Variants in TMEM165 observed in about 807,000 individuals in gnomAD.
The protein encoded by TMEM165 is putative divalent cation/proton antiporter TMEM165.
A neutral mutation model predicts 30.0 loss-of-function variants in TMEM165; 19 were observed. That is an observed-to-expected ratio of 0.63 (90% CI 0.44 to 0.93). TMEM165 has a LOEUF of 0.93. Among genes scored for constraint, TMEM165 ranks in the 40% least tolerant of loss-of-function variants. The probability of loss-of-function intolerance (pLI) is 0.00; values close to 1 mark genes in which losing one functional copy is unlikely to be tolerated. For synonymous variants in TMEM165, 168 were observed against 162.9 expected (o/e 1.03, Z -0.24); for missense variants, 340 against 417.0 (o/e 0.82, Z 1.61).
At chr4:55,452,936 C>T in exon 4 of TMEM165, 1 of 729,290 alleles carries the variant, frequency 1.4e-6, no homozygotes, top group Non-Finnish European at 2.3e-6. Flanking sequence ...TAATCACATC[C>T]CCGTTATAAG....
intron 1 of TMEM165, among the ~76,000 whole-genome samples, chr4:55,409,373 G>A (rs1161752669): frequency 6.6e-6 from 1 of 151,974 alleles, no homozygotes; most frequent in Non-Finnish European, 1.5e-5. Context: ...CTGTTTTTAC[G>A]CTGTCCAAAA....
Position 55,395,971 on chromosome 4 carries a change from C to T in TMEM165, c.-219C>T, listed in dbSNP as rs995456929. The stretch of plus-strand genomic sequence containing the variant: ...GGCAGCTGGCTGACTCCAGTTTAGC[C>T]GCCGCCGGAGAGGACGGGCGCCGAG... On this transcript the variant is annotated 5_prime_UTR_variant, in exon 1 of 6. Transcript: ENST00000381334. The T allele has an allele frequency of 2.4e-5, 9 of 377,938 alleles. No individual in the cohort carries two copies. Among genetic ancestry groups the T allele is most frequent in the Non-Finnish European group, 3.2e-5 (7 of 217,050 alleles). The allele number at this position is 377,938 out of a possible 1,614,324, so 23.4% of individuals were successfully genotyped here.
At chr4:55,436,122 G>T (rs992744543) in intron 3 of TMEM165, among the ~76,000 whole-genome samples, 5 of 152,096 alleles carry the variant, frequency 3.3e-5, no homozygotes, top group Non-Finnish European at 5.9e-5. Context: ...ACTTCTCTGG[G>T]CCTCAGTTTC....
chr4:55,404,050 T>C (rs867213203), intron 1 of TMEM165, among the ~76,000 whole-genome samples: 6,240 of 148,272 alleles, frequency 0.042, 434 homozygotes, highest in African/African-American at 0.15. Flanking sequence ...CTTTCCTTTT[T>C]TTTTTTTTTT....
intron 3 of TMEM165, among the ~76,000 whole-genome samples, chr4:55,445,105 T>TCCCGG (rs147009588): frequency 4.4e-4 from 60 of 137,066 alleles, no homozygotes; most frequent in East Asian, 1.3e-3. Context: ...ACGGGAAGCT[T>TCCCGG]TTAATATTTT....
chr4:55,443,770 T>C lies in TMEM165; in HGVS notation c.409-8469T>C, dbSNP rs141058115. 5 of 1,614,022 alleles carry C rather than the reference T, an allele frequency of 3.1e-6. No individual in the cohort carries two copies. The African/African-American group carries it at 6.7e-5, about 22-fold the overall frequency. ...TGTCCAGTATTCATTCCACTTTGAA[T>C]CTGGTTAGTAGGAACAACTTGGCCT... On this transcript the variant is annotated intron_variant, in intron 3 of 3. Transcript: ENST00000608091.
At chr4:55,436,798 A>C (rs1010783330) in intron 3 of TMEM165, among the ~76,000 whole-genome samples, 60 of 152,104 alleles carry the variant, frequency 3.9e-4, no homozygotes, top group African/African-American at 1.4e-3. Context: ...TAATTTAGAA[A>C]AGCCAAATTG....
At chr4:55,448,835 T>C (rs1404217736) in intron 3 of TMEM165, 1 of 1,613,828 alleles carries the variant, frequency 6.2e-7, no homozygotes, top group African/African-American at 1.3e-5. Context: ...ACTGGCTGTG[T>C]TAATGATGAA....
At chr4:55,444,794 C>T in intron 3 of TMEM165, 1 of 1,613,462 alleles carries the variant, frequency 6.2e-7, no homozygotes, top group African/African-American at 1.3e-5. Flanking sequence ...AACTGAAGTA[C>T]CATGTACGGA....
At chr4:55,408,623 C>T (rs181324411) in intron 1 of TMEM165, among the ~76,000 whole-genome samples, 61 of 152,150 alleles carry the variant, frequency 4.0e-4, no homozygotes, top group African/African-American at 1.4e-3. Flanking sequence ...CATGTCTGTA[C>T]TCTTAAAGCA....
chr4:55,436,043 T>C (rs1480351724), intron 3 of TMEM165, among the ~76,000 whole-genome samples: 1 of 152,190 alleles, frequency 6.6e-6, no homozygotes, highest in Non-Finnish European at 1.5e-5. Flanking sequence ...TGGTGGGCCC[T>C]GAGGTAGACT....
intron 3 of TMEM165, chr4:55,431,918 G>A (rs1180357701): frequency 3.3e-5 from 5 of 152,190 alleles, no homozygotes; most frequent in African/African-American, 1.2e-4. Context: ...TGCTCTTGAT[G>A]GAGCTGGACT....
intron 3 of TMEM165, chr4:55,442,589 G>T (rs143911374): frequency 6.2e-7 from 1 of 1,612,560 alleles, no homozygotes; most frequent in Non-Finnish European, 8.5e-7. Context: ...GTCTGACTGG[G>T]TAGAGATGTT....
chr4:55,396,285 G>T lies in TMEM165; in HGVS notation c.96G>T (p.Arg32=), dbSNP rs769539033. 231 of 1,528,542 alleles carry T rather than the reference G, an allele frequency of 1.5e-4. 2 individuals carry two copies. The African/African-American group carries it at 2.8e-3, about 19-fold the overall frequency. The allele number at this position is 1,528,542 out of a possible 1,614,324, so 94.7% of individuals were successfully genotyped here. Residue 32 remains arginine, a synonymous_variant, in exon 1 of 6, where the codon CGG becomes CGT. Coordinates refer to ENST00000381334, the MANE Select transcript of TMEM165 (RefSeq NM_018475.5). ...VPLLWAPAAV[R]AGPDEDLSHR... ...TGCTGTGGGCCCCGGCTGCGGTCCG[G>T]GCCGGCCCAGATGAAGACCTTAGCC...
intron 3 of TMEM165, chr4:55,438,210 G>T (rs1723045921): frequency 1.3e-6 from 2 of 1,535,222 alleles, no homozygotes; most frequent in South Asian, 2.3e-5. Flanking sequence ...TCACAAATCT[G>T]TTCACTTAAT....
intron 3 of TMEM165, chr4:55,444,490 G>A (rs1007921446): frequency 3.2e-6 from 3 of 934,882 alleles, no homozygotes; most frequent in Non-Finnish European, 5.1e-6. Context: ...TAATCATACT[G>A]AGTAGGTAAC....
intron 3 of TMEM165, chr4:55,433,721 A>G (rs1722671080): frequency 6.6e-6 from 1 of 152,176 alleles, no homozygotes; most frequent in East Asian, 1.9e-4. Context: ...CATTAGTACC[A>G]TAAAATCTGT....
chr4:55,417,832 G>T lies in TMEM165; in HGVS notation c.639G>T (p.Pro213=), dbSNP rs749702494. ...AACGAACCAAACTTTTAAATGGACC[G>T]GGAGATGTTGAAACGGGTACAAGCA... ...EFQRTKLLNG[P]GDVETGTSIT... is the part of the protein sequence containing the mutation. The change falls in exon 4 of 6, where the codon CCG becomes CCT. Residue 213 remains proline, a synonymous_variant. Transcript: ENST00000381334. The T allele has an allele frequency of 9.9e-6, 16 of 1,610,598 alleles. No homozygotes were observed. The highest frequency in any genetic ancestry group is 1.4e-5 in the Non-Finnish European group (16 of 1,178,964).
intron 3 of TMEM165, chr4:55,433,859 G>A (rs1459091978): frequency 6.6e-6 from 1 of 152,092 alleles, no homozygotes; most frequent in Non-Finnish European, 1.5e-5. Context: ...TTGTAGTGAA[G>A]GCATAGCCAA....
Sources: gnomAD v4.1 joint callset for allele counts (sites outside exome capture counted in the v4.1 genomes callset) on GRCh38, gnomAD v4.1.1 for gene constraint, MANE v1.5 for transcripts, NCBI Gene and HGNC (gene_info 2026-07-23, HGNC 2026-07-21) for gene names.